PPP2R2C: variants seen among roughly 807,000 people sequenced by gnomAD.
PPP2R2C encodes the protein protein phosphatase 2 regulatory subunit Bgamma.
PPP2R2C carries 10 observed loss-of-function variants against 45.3 expected under a neutral mutation model. That is an observed-to-expected ratio of 0.22 (90% CI 0.14 to 0.37). PPP2R2C has a LOEUF of 0.37. PPP2R2C is among the 10% of genes least tolerant of loss of function. The probability of loss-of-function intolerance (pLI) is 1.00; values close to 1 mark genes in which losing one functional copy is unlikely to be tolerated. For synonymous variants in PPP2R2C, 257 were observed against 245.4 expected (o/e 1.05, Z -0.44); for missense variants, 308 against 619.7 (o/e 0.50, Z 5.34).
chr4:6,421,705 AC>A (rs1331052645), intron 1 of PPP2R2C, among the ~76,000 whole-genome samples: 1 of 109,030 alleles, frequency 9.2e-6, no homozygotes, highest in Admixed American at 1.1e-4. Context: ...AGGGGGAGCC[AC>A]CTGCACTGGC....
intron 1 of PPP2R2C, among the ~76,000 whole-genome samples, chr4:6,455,739 G>A (rs1205183169): frequency 6.6e-6 from 1 of 152,050 alleles, no homozygotes; most frequent in Non-Finnish European, 1.5e-5. Context: ...CACCTGCCAG[G>A]ATCTGCAAGA....
At position 6,499,571 on chromosome 4, in the gene PPP2R2C, T is replaced by C. The variant is rs1036002533; in HGVS notation, c.49+35700A>G. Among the ~76,000 whole-genome samples the C allele has an allele frequency of 5.9e-5, 9 of 152,300 alleles. No homozygotes were observed. In the South Asian group the frequency reaches 6.2e-4, roughly 11 times the overall value. On this transcript the variant is annotated intron_variant, in intron 2 of 9. Transcript: ENST00000506140. ...TCCTTCCCTCCAATGTTGGCCAAAG[T>C]GTGCTGACGAAAATGCATCAAGGGC...
intron 1 of PPP2R2C, among the ~76,000 whole-genome samples, chr4:6,455,365 T>C (rs1031057387): frequency 1.3e-5 from 2 of 152,116 alleles, no homozygotes; most frequent in African/African-American, 4.8e-5. Flanking sequence ...TCCCATAAAG[T>C]TGGGGCAGTC....
rs1732448986 is a variant in PPP2R2C at position 6,332,054 on chromosome 4, TG to T, written c.960+1507del. Among the ~76,000 whole-genome samples, 1 of 152,190 alleles carries T rather than the reference TG, an allele frequency of 6.6e-6. No individual in the cohort carries two copies. Among genetic ancestry groups the T allele is most frequent in the Non-Finnish European group, 1.5e-5 (1 of 68,034 alleles). The stretch of plus-strand genomic sequence containing the variant: ...CCAGAACAGTCATTCCCCTCCTTCG[TG>T]GGGTCCTTCATGAGAATTTCAGAAA... On this transcript the variant is annotated intron_variant, in intron 7 of 8. Coordinates refer to ENST00000382599, the MANE Select transcript of PPP2R2C (RefSeq NM_020416.4). This position sits in a 1 kb window ranked among gnomAD's most constrained non-coding sequence, Gnocchi z 4.9.
At chr4:6,386,639 T>G (rs996585570) in intron 1 of PPP2R2C, among the ~76,000 whole-genome samples, 1 of 152,240 alleles carries the variant, frequency 6.6e-6, no homozygotes, top group African/African-American at 2.4e-5. Context: ...AACAAAAATC[T>G]AGAGTCGCTC....
rs35846389 is a variant in PPP2R2C, at chr4:6,426,269, G to A, written c.71-45175C>T. Among the ~76,000 whole-genome samples, 609 of 152,274 alleles carry A rather than the reference G, an allele frequency of 4.0e-3. 1 individual carries two copies. Among genetic ancestry groups the A allele is most frequent in the Middle Eastern group, 0.031 (9 of 294 alleles). ...GCCAGCTGGGCAGTGAGAGGGAGGC[G>A]GTCGGAGACGGCCTTGCAGTCCAGC... On this transcript the variant is annotated intron_variant, in intron 1 of 8. Coordinates refer to ENST00000382599, the MANE Select transcript of PPP2R2C (RefSeq NM_020416.4).
intron 1 of PPP2R2C, among the ~76,000 whole-genome samples, chr4:6,456,432 A>C (rs1255227559): frequency 6.6e-6 from 1 of 152,154 alleles, no homozygotes; most frequent in Non-Finnish European, 1.5e-5. Flanking sequence ...TAGCTCGCAG[A>C]GTCTGACGAT....
intron 1 of PPP2R2C, among the ~76,000 whole-genome samples, chr4:6,395,636 G>C (rs913091832): frequency 6.6e-6 from 1 of 152,212 alleles, no homozygotes; most frequent in African/African-American, 2.4e-5. Context: ...GTTGGTGTGA[G>C]AGCTGCTGTG....
chr4:6,512,249 T>A, intron 2 of PPP2R2C, among the ~76,000 whole-genome samples: 1 of 85,262 alleles, frequency 1.2e-5, no homozygotes, highest in African/African-American at 5.0e-5. Context: ...GGGGTGGTGG[T>A]GGTGATGGTG....
intron 2 of PPP2R2C, among the ~76,000 whole-genome samples, chr4:6,506,803 G>A (rs750674774): frequency 1.3e-4 from 20 of 152,214 alleles, no homozygotes; most frequent in Non-Finnish European, 2.9e-4. Flanking sequence ...TGGGCTGGAT[G>A]TCCAAGATGG....
intron 1 of PPP2R2C, among the ~76,000 whole-genome samples, chr4:6,553,361 A>T (rs1725248525): frequency 6.6e-6 from 1 of 152,266 alleles, no homozygotes; most frequent in African/African-American, 2.4e-5. Flanking sequence ...TCTACGGGTC[A>T]AGTGGAGAAA....
Position 6,563,131 on chromosome 4 carries a change from C to A in PPP2R2C, c.-59+429G>T, listed in dbSNP as rs1389794482. Among the ~76,000 whole-genome samples, 2 of 152,184 alleles carry A rather than the reference C, an allele frequency of 1.3e-5. No homozygotes were observed. The highest frequency in any genetic ancestry group is 4.8e-5 in the African/African-American group (2 of 41,456). ...ACCCCGGACTCCGAGCCGGACCCCGCGCCCGCACCTTCAGCCGGGCAGCGA... is the reference window on the plus strand; with the variant it reads ...ACCCCGGACTCCGAGCCGGACCCCGAGCCCGCACCTTCAGCCGGGCAGCGA... On this transcript the variant is annotated intron_variant, in intron 1 of 9. Transcript: ENST00000506140. The surrounding 1 kb of genome is among the most constrained non-coding windows in gnomAD (Gnocchi z 5.8).
intron 4 of PPP2R2C, among the ~76,000 whole-genome samples, chr4:6,373,900 CATGTGTGT>C (rs1215435541): frequency 5.7e-5 from 7 of 123,798 alleles, no homozygotes; most frequent in African/African-American, 2.4e-4. Flanking sequence ...TATGTGCATG[CATGTGTGT>C]GTGTGTGTGT....
At chr4:6,516,847 G>T (rs6821118) in intron 2 of PPP2R2C, among the ~76,000 whole-genome samples, 2 of 152,086 alleles carry the variant, frequency 1.3e-5, no homozygotes, top group African/African-American at 4.8e-5. Flanking sequence ...AGATGTCACT[G>T]GTTCATGAAA....
chr4:6,373,870 T>C (rs375875545), intron 4 of PPP2R2C, among the ~76,000 whole-genome samples: 1 of 151,886 alleles, frequency 6.6e-6, no homozygotes. Context: ...TGAGTGTGCA[T>C]GCATGACTGA....
At position 6,368,103 on chromosome 4, in the gene PPP2R2C, C is replaced by T. The variant is rs1039704001; in HGVS notation, c.625+4420G>A. On this transcript the variant is annotated intron_variant, in intron 5 of 8. Transcript: ENST00000382599. The surrounding 1 kb of genome is among the most constrained non-coding windows in gnomAD (Gnocchi z 4.2). ...GGGATGTTCCCAGGATCCACAGGGG[C>T]CCCCGATCTGCTGACACTCCTCCCT... Among the ~76,000 whole-genome samples, 7 of 152,282 alleles carry T rather than the reference C, an allele frequency of 4.6e-5. No individual in the cohort carries two copies. Among genetic ancestry groups the T allele is most frequent in the Middle Eastern group, 3.4e-3 (1 of 292 alleles).
At position 6,332,229 on chromosome 4, in the gene PPP2R2C, T is replaced by A. The variant is rs1373221940; in HGVS notation, c.960+1333A>T. Among the ~76,000 whole-genome samples the A allele has an allele frequency of 6.6e-6, 1 of 152,138 alleles. No homozygotes were observed. The highest frequency in any genetic ancestry group is 2.4e-5 in the African/African-American group (1 of 41,420). On this transcript the variant is annotated intron_variant, in intron 7 of 8. Transcript: ENST00000382599. This position sits in a 1 kb window ranked among gnomAD's most constrained non-coding sequence, Gnocchi z 4.9. ...GAAATGTTCATTTCCCTGAGCTGCC[T>A]CCAGAGGGAGCCAGAGAGTTGCTCC... is the stretch of plus-strand genomic sequence containing the variant.
chr4:6,440,996 CA>C (rs1160974811), intron 1 of PPP2R2C, among the ~76,000 whole-genome samples: 2 of 152,028 alleles, frequency 1.3e-5, no homozygotes, highest in African/African-American at 4.8e-5. Flanking sequence ...GTGTAGGTCC[CA>C]TCTCAAAGTG....
chr4:6,527,629 T>C (rs1213278406), intron 2 of PPP2R2C, among the ~76,000 whole-genome samples: 1 of 126,230 alleles, frequency 7.9e-6, no homozygotes, highest in Non-Finnish European at 1.7e-5. Context: ...AGCTTCCTTA[T>C]GCCCTGGCCA....
Sources: allele counts gnomAD v4.1 joint callset (sites outside exome capture counted in the v4.1 genomes callset), GRCh38; gene constraint gnomAD v4.1.1; non-coding constraint Gnocchi (gnomAD v3.1); transcripts MANE v1.5; gene names NCBI Gene and HGNC (gene_info 2026-07-23, HGNC 2026-07-21).